Variants in CADM2 observed in about 807,000 individuals in gnomAD.
The protein encoded by CADM2 is cell adhesion molecule 2.
In CADM2, 12 loss-of-function variants were observed where a neutral mutation model predicts 49.8. That is an observed-to-expected ratio of 0.24 (90% CI 0.15 to 0.39). The LOEUF (loss-of-function observed/expected upper bound fraction) is 0.39, where lower values mean the gene tolerates loss of function less well. Ranked by LOEUF, CADM2 falls within the 10% of genes least tolerant of loss-of-function variation. CADM2 has a pLI of 1.00. For synonymous variants in CADM2, 214 were observed against 175.4 expected (o/e 1.22, Z -1.74); for missense variants, 378 against 492.3 (o/e 0.77, Z 2.20).
rs189530723 is a variant in CADM2, at chr3:85,226,754, T to A, written c.61+267086T>A. 1.8e-4 allele frequency among the ~76,000 whole-genome samples: 27 copies of A among 152,328 alleles called. No homozygotes were observed. In the East Asian group the frequency reaches 4.1e-3, roughly 23 times the overall value. ...GTTTTAGATCTTTCCTGCTTTATCT[T>A]GTGGGCATTTAGTGCTATAAATTTC... is the stretch of plus-strand genomic sequence containing the variant. On this transcript the variant is annotated intron_variant, in intron 1 of 9. Transcript: ENST00000383699.
intron 1 of CADM2, among the ~76,000 whole-genome samples, chr3:85,113,686 G>GTTTT (rs5850669): frequency 1.5e-5 from 2 of 136,584 alleles, no homozygotes; most frequent in East Asian, 2.2e-4. Flanking sequence ...TTATTCATTC[G>GTTTT]TTTTTTTTTT....
At chr3:85,195,960 A>T (rs2041334318) in intron 1 of CADM2, among the ~76,000 whole-genome samples, 1 of 152,110 alleles carries the variant, frequency 6.6e-6, no homozygotes, top group Non-Finnish European at 1.5e-5. Context: ...TTGTTTACAA[A>T]ATTAATCAGA....
chr3:85,965,810 G>A (rs1453672246), intron 8 of CADM2, among the ~76,000 whole-genome samples: 6 of 151,574 alleles, frequency 4.0e-5, no homozygotes, highest in Non-Finnish European at 7.4e-5. Flanking sequence ...GCAAGGTATG[G>A]ATCTAGGGAA....
At chr3:86,039,390 C>A (rs1735562358) in intron 8 of CADM2, among the ~76,000 whole-genome samples, 1 of 152,170 alleles carries the variant, frequency 6.6e-6, no homozygotes. Flanking sequence ...CACCCTAATA[C>A]TGTGCTTTTC....
At chr3:85,907,257 C>T (rs1312928921) in intron 5 of CADM2, among the ~76,000 whole-genome samples, 2 of 152,126 alleles carry the variant, frequency 1.3e-5, no homozygotes, top group Non-Finnish European at 2.9e-5. Context: ...CTTGATTTCT[C>T]CCCCTGAAAC....
Position 85,614,052 on chromosome 3 carries a change from ATTAT to A in CADM2, c.62-112465_62-112462del, listed in dbSNP as rs2063740387. ...TACTTGTAAGAATGTTTGTTGCAAA[ATTAT>A]TTATATTAACCAAATGTTGAAAACA... is the stretch of plus-strand genomic sequence containing the variant. On this transcript the variant is annotated intron_variant, in intron 1 of 9. Coordinates refer to ENST00000383699, the MANE Select transcript of CADM2 (RefSeq NM_001167675.2). Among the ~76,000 whole-genome samples, 3 of 151,714 alleles carry A rather than the reference ATTAT, an allele frequency of 2.0e-5. No homozygotes were observed. In the South Asian group the frequency reaches 6.2e-4, roughly 31 times the overall value.
At chr3:85,542,988 A>G (rs2061579608) in intron 1 of CADM2, among the ~76,000 whole-genome samples, 1 of 152,224 alleles carries the variant, frequency 6.6e-6, no homozygotes, top group African/African-American at 2.4e-5. Context: ...CATATGGTCT[A>G]TATTGGTCAA....
At chr3:85,009,219 T>G (rs1448905567) in intron 1 of CADM2, among the ~76,000 whole-genome samples, 1 of 152,140 alleles carries the variant, frequency 6.6e-6, no homozygotes, top group Non-Finnish European at 1.5e-5. Flanking sequence ...TTTTAATTCC[T>G]CCCTGCAAAT....
At chr3:85,216,495 A>T (rs186729723) in intron 1 of CADM2, among the ~76,000 whole-genome samples, 52 of 151,862 alleles carry the variant, frequency 3.4e-4, no homozygotes, top group Admixed American at 1.8e-3. Flanking sequence ...AATTGATCAT[A>T]TTCTTTGCTG....
chr3:85,820,665 T>C (rs1375051910), intron 3 of CADM2, among the ~76,000 whole-genome samples: 2 of 152,272 alleles, frequency 1.3e-5, no homozygotes, highest in Admixed American at 1.3e-4. Flanking sequence ...ATTTGTCCTT[T>C]TGAGCTTATT....
At position 86,072,195 on chromosome 3, in the gene CADM2, A is replaced by C. The variant is rs1232706792; in HGVS notation, c.*5412A>C. The C allele has an allele frequency of 6.6e-6, 1 of 151,858 alleles. No homozygotes were observed. The highest frequency in any genetic ancestry group is 2.4e-5 in the African/African-American group (1 of 41,416). The allele number at this position is 151,858 out of a possible 1,614,324, so 9.4% of individuals were successfully genotyped here. A position where few individuals can be genotyped will look rare whatever the true frequency, so the allele number is the denominator to read the frequency against. On this transcript the variant is annotated 3_prime_UTR_variant, in exon 10 of 10. Coordinates refer to ENST00000383699, the MANE Select transcript of CADM2 (RefSeq NM_001167675.2). ...ATGAATATCTCAAATTATAATGGTTAATCTCTAAAATATGCTTAAAGTAAG... is the reference window on the plus strand; with the variant it reads ...ATGAATATCTCAAATTATAATGGTTCATCTCTAAAATATGCTTAAAGTAAG...
Position 85,846,308 on chromosome 3 carries a change from T to G in CADM2, c.239-36983T>G, listed in dbSNP as rs556122497. On this transcript the variant is annotated intron_variant, in intron 3 of 9. Coordinates refer to ENST00000383699, the MANE Select transcript of CADM2 (RefSeq NM_001167675.2). ...AAAAGCTAACTTTCATTTATTTGCT[T>G]AATCATTCAGTCAGTATATGATACA... Among the ~76,000 whole-genome samples the G allele has an allele frequency of 3.9e-5, 6 of 152,280 alleles. No individual in the cohort carries two copies. The East Asian group carries it at 1.2e-3, about 29-fold the overall frequency.
chr3:85,230,108 C>G (rs1360291597), intron 1 of CADM2, among the ~76,000 whole-genome samples: 1 of 152,150 alleles, frequency 6.6e-6, no homozygotes, highest in Admixed American at 6.6e-5. Context: ...TCTCCCCTCC[C>G]TGGGCCCTGG....
chr3:85,901,332 T>C (rs1716092901), intron 5 of CADM2, among the ~76,000 whole-genome samples: 1 of 152,242 alleles, frequency 6.6e-6, no homozygotes, highest in South Asian at 2.1e-4. Flanking sequence ...TTTGTGTTGG[T>C]AATGGGAAGT....
intron 1 of CADM2, among the ~76,000 whole-genome samples, chr3:84,970,791 T>C (rs1290410815): frequency 1.3e-5 from 2 of 152,060 alleles, no homozygotes; most frequent in African/African-American, 4.8e-5. Context: ...TGTATGATGC[T>C]ACAGTTGCAG....
intron 1 of CADM2, among the ~76,000 whole-genome samples, chr3:85,678,008 T>G (rs2065934671): frequency 1.3e-5 from 2 of 152,146 alleles, no homozygotes; most frequent in African/African-American, 4.8e-5. Context: ...AACAAAGAGA[T>G]AGAAAGCATA....
At chr3:85,340,298 A>G (rs2045205371) in intron 1 of CADM2, among the ~76,000 whole-genome samples, 1 of 151,578 alleles carries the variant, frequency 6.6e-6, no homozygotes, top group South Asian at 2.1e-4. Context: ...AGCCTCTGCC[A>G]TGTGATGTTT....
At chr3:85,724,725 G>T (rs545873979) in intron 1 of CADM2, among the ~76,000 whole-genome samples, 1 of 151,488 alleles carries the variant, frequency 6.6e-6, no homozygotes, top group South Asian at 2.1e-4. Flanking sequence ...ATTTTTTATC[G>T]TTAAGAAATT....
chr3:85,748,289 T>C (rs2068700224), intron 2 of CADM2, among the ~76,000 whole-genome samples: 1 of 152,026 alleles, frequency 6.6e-6, no homozygotes, highest in African/African-American at 2.4e-5. Context: ...AGAAGTTCAT[T>C]TATATTCTTC....
Sources: allele counts gnomAD v4.1 joint callset (sites outside exome capture counted in the v4.1 genomes callset), GRCh38; gene constraint gnomAD v4.1.1; transcripts MANE v1.5; gene names NCBI Gene and HGNC (gene_info 2026-07-23, HGNC 2026-07-21).